SLC27A2: variants seen among roughly 807,000 people sequenced by gnomAD.
SLC27A2 encodes solute carrier family 27 member 2.
A neutral mutation model predicts 60.0 loss-of-function variants in SLC27A2; 54 were observed. That is an observed-to-expected ratio of 0.90 (90% CI 0.72 to 1.13). The LOEUF is 1.13. Among genes scored for constraint, SLC27A2 ranks in the 50% most tolerant of loss-of-function variants. The pLI is 0.00. For synonymous variants in SLC27A2, 297 were observed against 297.6 expected, an observed-to-expected ratio of 1.00 and a Z score of 0.02; for missense variants, 739 against 777.6, an observed-to-expected ratio of 0.95 and a Z score of 0.59.
chr15:50,230,143 A>G (rs930779411), intron 8 of SLC27A2, among the ~76,000 whole-genome samples: 2 of 151,756 alleles, frequency 1.3e-5, no homozygotes, highest in African/African-American at 2.4e-5. Context: ...CTGAGGCAGG[A>G]GAATCGCTTG....
intron 8 of SLC27A2, among the ~76,000 whole-genome samples, chr15:50,229,996 G>A (rs1379323186): frequency 6.6e-6 from 1 of 152,130 alleles, no homozygotes; most frequent in East Asian, 1.9e-4. Context: ...AGCACTTTGG[G>A]AGGCCGAGAC....
chr15:50,182,435 C>T lies in SLC27A2; in HGVS notation c.8C>T (p.Ser3Phe). 2.5e-6 allele frequency: 4 copies of T among 1,594,914 alleles called. No homozygotes were observed. The highest frequency in any genetic ancestry group is 3.4e-6 in the Non-Finnish European group (4 of 1,167,654). Reference protein sequence around the residue: MLSAIYTVLAGLL... With the variant: MLFAIYTVLAGLL... Reference sequence around the variant, plus strand: ...GAGGGCCCCGCAGCCGTCATGCTTTCCGCCATCTACACAGTCCTGGCGGGA... The same window carrying T: ...GAGGGCCCCGCAGCCGTCATGCTTTTCGCCATCTACACAGTCCTGGCGGGA... Residue 3 changes from serine to phenylalanine, a missense_variant, in exon 1 of 10, where the codon TCC becomes TTC. Transcript: ENST00000267842.
At chr15:50,199,223 C>T (rs1293287199) in intron 2 of SLC27A2, among the ~76,000 whole-genome samples, 1 of 151,726 alleles carries the variant, frequency 6.6e-6, no homozygotes, top group Non-Finnish European at 1.5e-5. Context: ...AATAGAAAAC[C>T]CCTTTTATTG....
rs2044867921 is a variant in SLC27A2 at position 50,182,590 on chromosome 15, A to G, written c.163A>G (p.Ile55Val). 6.2e-7 allele frequency: 1 copy of G among 1,613,098 alleles called. No individual in the cohort carries two copies. Among genetic ancestry groups the G allele is most frequent in the Non-Finnish European group, 8.5e-7 (1 of 1,179,550 alleles). Reference protein sequence around the residue: ...SYGKRRPARTILRAFLEKARQ... With the variant: ...SYGKRRPARTVLRAFLEKARQ... ...CGGGAAGCGGCGGCCGGCGCGCACC[A>G]TCCTGCGGGCGTTCCTGGAGAAAGC... is the stretch of plus-strand genomic sequence containing the variant. Residue 55 changes from isoleucine to valine, a missense_variant, in exon 1 of 10, where the codon ATC becomes GTC. By Grantham distance (29) the Ile-to-Val change is conservative. Coordinates refer to ENST00000267842, the MANE Select transcript of SLC27A2 (RefSeq NM_003645.4).
chr15:50,216,896 A>C (rs2140908758), intron 4 of SLC27A2, among the ~76,000 whole-genome samples: 1 of 147,558 alleles, frequency 6.8e-6, no homozygotes, highest in East Asian at 1.9e-4. Flanking sequence ...TATATATTCC[A>C]AAAAATATAT....
In SLC27A2 at chr15:50,226,098, A is replaced by C; in HGVS notation, c.1258+20A>C. 6.9e-7 allele frequency: 1 copy of C among 1,454,196 alleles called. No homozygotes were observed. Among genetic ancestry groups the C allele is most frequent in the Middle Eastern group, 1.7e-4 (1 of 5,750 alleles). The allele number at this position is 1,454,196 out of a possible 1,614,324, so 90.1% of individuals were successfully genotyped here. On this transcript the variant is annotated intron_variant, in intron 6 of 9. Transcript: ENST00000267842. ...CCAAAGGTACAGTGGACTTTTGTTCAATCAACCTGTGCCCCTTCTTATCTT... is the reference window on the plus strand; with the variant it reads ...CCAAAGGTACAGTGGACTTTTGTTCCATCAACCTGTGCCCCTTCTTATCTT...
At chr15:50,222,414 CT>C (rs1200541792) in intron 4 of SLC27A2, among the ~76,000 whole-genome samples, 4 of 152,148 alleles carry the variant, frequency 2.6e-5, no homozygotes, top group Admixed American at 6.5e-5. Flanking sequence ...TGGAAAATGG[CT>C]TTCTCTCTCT....
chr15:50,211,461 G>A (rs965728225), intron 4 of SLC27A2, among the ~76,000 whole-genome samples: 1 of 152,072 alleles, frequency 6.6e-6, no homozygotes, highest in Non-Finnish European at 1.5e-5. Flanking sequence ...ACACCCCATG[G>A]GACAAAATTC....
chr15:50,216,610 GTATATATA>G (rs59683706), intron 4 of SLC27A2, among the ~76,000 whole-genome samples: 4,920 of 66,080 alleles, frequency 0.074, 267 homozygotes, highest in East Asian at 0.3. Context: ...GTGTGTGTGT[GTATATATA>G]TATATATATA....
chr15:50,223,033 A>G lies in SLC27A2; in HGVS notation c.1041A>G (p.Arg347=). The change falls in exon 5 of 10, where the codon AGA becomes AGG. Residue 347 remains arginine (R), a synonymous_variant. Coordinates refer to ENST00000267842, the MANE Select transcript of SLC27A2 (RefSeq NM_003645.4). ...LGNGLRGDVW[R]QFVKRFGDIC... is the part of the protein sequence containing the mutation. ...ATGGCTTACGAGGAGATGTGTGGAG[A>G]CAATTTGTCAAGAGATTTGGGGACA... 6.8e-6 allele frequency: 11 copies of G among 1,614,022 alleles called. No individual in the cohort carries two copies. The Middle Eastern group carries it at 8.2e-4, about 121-fold the overall frequency.
At chr15:50,188,758 G>A (rs772269344) in intron 1 of SLC27A2, among the ~76,000 whole-genome samples, 34 of 152,290 alleles carry the variant, frequency 2.2e-4, no homozygotes, top group Admixed American at 1.3e-3. Context: ...TCAGGAGTTG[G>A]AGACCAGCCT....
At chr15:50,211,641 G>T (rs1431785986) in intron 4 of SLC27A2, among the ~76,000 whole-genome samples, 4 of 152,188 alleles carry the variant, frequency 2.6e-5, no homozygotes, top group African/African-American at 4.8e-5. Flanking sequence ...TCCCTGATTT[G>T]CCTGAAAAAT....
At chr15:50,219,523 TA>T (rs11342659) in intron 4 of SLC27A2, among the ~76,000 whole-genome samples, 22,953 of 149,660 alleles carry the variant, frequency 0.15, 1,793 homozygotes, top group Middle Eastern at 0.18. Context: ...TGCAGGGCTT[TA>T]AAAAAAAAAT....
Position 50,235,963 on chromosome 15 carries a change from C to A in SLC27A2, c.1730C>A (p.Thr577Asn), listed in dbSNP as rs769859458. 3 of 1,613,788 alleles carry A rather than the reference C, an allele frequency of 1.9e-6. No homozygotes were observed. The highest frequency in any genetic ancestry group is 1.6e-4 in the Middle Eastern group (1 of 6,062). Residue 577 changes from threonine to asparagine, a missense_variant, in exon 10 of 10, where the codon ACC becomes AAC. Coordinates refer to ENST00000267842, the MANE Select transcript of SLC27A2 (RefSeq NM_003645.4). ...ITGTFKHRKMTLVEEGFNPAV... is the reference protein window; with the variant it reads ...ITGTFKHRKMNLVEEGFNPAV... ...GGAACTTTTAAACACCGCAAAATGA[C>A]CCTGGTGGAGGAGGGCTTTAACCCT...
chr15:50,182,950 C>A (rs1407762598), intron 1 of SLC27A2, 45 bp downstream of exon 1: 3 of 1,542,656 alleles, frequency 1.9e-6, no homozygotes, highest in Non-Finnish European at 2.6e-6. Flanking sequence ...GGCTTCTCGG[C>A]GCCTTGACTG....
In SLC27A2 at chr15:50,183,994, C is replaced by CTTTTTTTTTTTTTTTTTTTTTTTT. The variant is rs577766814; in HGVS notation, c.478+1107_478+1108insTTTTTTTTTTTTTTTTTTTTTTTT. Among the ~76,000 whole-genome samples, 9 of 91,168 alleles carry CTTTTTTTTTTTTTTTTTTTTTTTT rather than the reference C, an allele frequency of 9.9e-5. 2 individuals carry two copies. The highest frequency in any genetic ancestry group is 1.5e-4 in the African/African-American group (4 of 27,392). The allele number at this position is 91,168 out of a possible 152,430, so 59.8% of individuals were successfully genotyped here. A position where few individuals can be genotyped will look rare whatever the true frequency, so the allele number is the denominator to read the frequency against. On this transcript the variant is annotated intron_variant, in intron 1 of 9. Transcript: ENST00000267842. Reference sequence around the variant, plus strand: ...TTCGAAGCCATGCTCTTTCCTACATCTTTTTTTTTTTTTTTTTTGACAGTC... The same window carrying CTTTTTTTTTTTTTTTTTTTTTTTT: ...TTCGAAGCCATGCTCTTTCCTACATCTTTTTTTTTTTTTTTTTTTTTTTTTTTTTTTTTTTTTTTTTTGACAGTC...
At chr15:50,229,755 CATT>C (rs887936584) in intron 8 of SLC27A2, among the ~76,000 whole-genome samples, 24 of 152,278 alleles carry the variant, frequency 1.6e-4, no homozygotes, top group Admixed American at 1.2e-3. Context: ...CAATAAATCA[CATT>C]AATAATAGAC....
intron 1 of SLC27A2, among the ~76,000 whole-genome samples, chr15:50,187,899 A>G (rs966781862): frequency 3.3e-5 from 5 of 151,722 alleles, no homozygotes; most frequent in African/African-American, 9.7e-5. Context: ...TTGAGATTAG[A>G]TTGAGAAAAA....
intron 1 of SLC27A2, among the ~76,000 whole-genome samples, chr15:50,195,028 C>T (rs1046666435): frequency 6.6e-6 from 1 of 151,990 alleles, no homozygotes; most frequent in East Asian, 1.9e-4. Context: ...TTACCCTAGA[C>T]AATGTAAAGG....
Sources: allele counts gnomAD v4.1 joint callset (sites outside exome capture counted in the v4.1 genomes callset), GRCh38; gene constraint gnomAD v4.1.1; transcripts MANE v1.5; gene names NCBI Gene and HGNC (gene_info 2026-07-23, HGNC 2026-07-21).